SPATA22: variants seen among roughly 807,000 people sequenced by gnomAD.
SPATA22 encodes the protein spermatogenesis-associated protein 22.
Under a neutral mutation model 47.8 loss-of-function variants are expected in SPATA22, and 29 were observed. The observed-to-expected ratio is 0.61, with a 90% CI of 0.45 to 0.83. The LOEUF is 0.83. SPATA22 is among the 40% of genes least tolerant of loss of function. The pLI, the probability that SPATA22 is intolerant of heterozygous loss-of-function variation, is 0.00. For synonymous variants in SPATA22, 133 were observed against 140.9 expected (o/e 0.94, Z 0.40); for missense variants, 410 against 421.7 (o/e 0.97, Z 0.24).
chr17:3,475,311 A>G (rs559269964), upstream of SPATA22: 1 of 152,382 alleles, frequency 6.6e-6, no homozygotes, highest in East Asian at 1.9e-4. Context: ...GGCTGTGTCT[A>G]TGTAAGTTCA....
chr17:3,464,341 T>C (rs1681182946), intron 3 of SPATA22, among the ~76,000 whole-genome samples: 1 of 151,238 alleles, frequency 6.6e-6, no homozygotes, highest in Non-Finnish European at 1.5e-5. Flanking sequence ...AACCTCCACC[T>C]CCCAGCCGCC....
rs940000237 is a variant in SPATA22, at chr17:3,494,476, C to G, written c.-74+18936G>C. 3.2e-6 allele frequency: 5 copies of G among 1,564,314 alleles called. No homozygotes were observed. The highest frequency in any genetic ancestry group is 4.4e-6 in the Non-Finnish European group (5 of 1,134,782). On this transcript the variant is annotated intron_variant, in intron 1 of 8. Coordinates refer to the SPATA22 transcript ENST00000541913. ...AATCTGCAGGTAACATTTGTTCTTT[C>G]TTTAAAATGTTGAAAATAATAATGC...
At chr17:3,473,764 C>A (rs1292953616), upstream of SPATA22, among the ~76,000 whole-genome samples, 2 of 152,220 alleles carry the variant, frequency 1.3e-5, no homozygotes, top group South Asian at 4.1e-4. Flanking sequence ...TCCCAAAGTG[C>A]TGGGATTACA....
chr17:3,470,557 G>T (rs2073405649), intron 1 of SPATA22, among the ~76,000 whole-genome samples: 1 of 151,466 alleles, frequency 6.6e-6, no homozygotes, highest in African/African-American at 2.4e-5. Context: ...AGACCATCCT[G>T]GCTAACAGAG....
intron 1 of SPATA22, among the ~76,000 whole-genome samples, chr17:3,491,877 CTTTTTTTTTTT>C: frequency 8.1e-6 from 1 of 123,044 alleles, no homozygotes; most frequent in South Asian, 2.5e-4. Flanking sequence ...CTTTTGTTTT[CTTTTTTTTTTT>C]TTTTTTTGAG....
intron 1 of SPATA22, chr17:3,502,185 A>C (rs935807527): frequency 2.0e-5 from 3 of 152,382 alleles, no homozygotes; most frequent in Admixed American, 1.3e-4. Context: ...TGAATTGCTG[A>C]AAGCTCAAAT....
chr17:3,470,925 C>A (rs2073417896), intron 1 of SPATA22, among the ~76,000 whole-genome samples: 1 of 152,012 alleles, frequency 6.6e-6, no homozygotes, highest in Non-Finnish European at 1.5e-5. Context: ...GAGGCCAAGG[C>A]AAGTGGGTCA....
At chr17:3,483,687 G>A (rs1475180202) in intron 1 of SPATA22, 2 of 1,258,564 alleles carry the variant, frequency 1.6e-6, no homozygotes, top group Non-Finnish European at 2.3e-6. Context: ...TTTTGAGACA[G>A]AGTCTTGCTC....
chr17:3,463,533 G>A (rs943625118), intron 3 of SPATA22, among the ~76,000 whole-genome samples: 2 of 152,150 alleles, frequency 1.3e-5, no homozygotes, highest in African/African-American at 4.8e-5. Flanking sequence ...TACCATAAAT[G>A]GAGCTTGCAG....
intron 2 of SPATA22, among the ~76,000 whole-genome samples, 158 bp downstream of exon 2, chr17:3,469,125 T>G (rs1450894142): frequency 6.6e-6 from 1 of 152,220 alleles, no homozygotes; most frequent in African/African-American, 2.4e-5. Flanking sequence ...CTAAATGTTT[T>G]GTCTTGAGTA....
At position 3,469,344 on chromosome 17, in the gene SPATA22, C is replaced by G. The variant is rs1452404584; in HGVS notation, c.-19G>C. 6.5e-7 allele frequency: 1 copy of G among 1,542,910 alleles called. No homozygotes were observed. The highest frequency in any genetic ancestry group is 1.9e-5 in the Admixed American group (1 of 52,932). On this transcript the variant is annotated 5_prime_UTR_variant, in exon 2 of 9. The change abolishes the stop of an existing upstream ORF in the 5' untranslated region. Coordinates refer to ENST00000572969, the MANE Select transcript of SPATA22 (RefSeq NM_001170698.2). ...GCTTCATTTCCTTCAATATCAAAAT[C>G]TATAATTTTCTATTCAGCATTCCAA...
Position 3,488,664 on chromosome 17 carries a change from T to A in SPATA22, c.-73-19266A>T, listed in dbSNP as rs2073769603. On this transcript the variant is annotated intron_variant, in intron 1 of 8. Coordinates refer to the SPATA22 transcript ENST00000541913. This position sits in a 1 kb window ranked among gnomAD's most constrained non-coding sequence, Gnocchi z 6.1. ...AGAGTGAGACTCTGTCTCGAAAAAA[T>A]AAATAAATAAATAAAACCATTGCAC... Among the ~76,000 whole-genome samples the A allele has an allele frequency of 1.3e-5, 2 of 151,790 alleles. No individual in the cohort carries two copies. Among genetic ancestry groups the A allele is most frequent in the African/African-American group, 4.8e-5 (2 of 41,296 alleles).
At chr17:3,497,788 G>A (rs969430293) in intron 1 of SPATA22, among the ~76,000 whole-genome samples, 2 of 152,158 alleles carry the variant, frequency 1.3e-5, no homozygotes, top group African/African-American at 4.8e-5. Context: ...TTTCTAACAG[G>A]CTCCTGGGTG....
In SPATA22 at chr17:3,490,041, A is replaced by G. The variant is rs1450217602; in HGVS notation, c.-73-20643T>C. 6.6e-6 allele frequency among the ~76,000 whole-genome samples: 1 copy of G among 152,202 alleles called. No individual in the cohort carries two copies. Among genetic ancestry groups the G allele is most frequent in the Non-Finnish European group, 1.5e-5 (1 of 68,028 alleles). On this transcript the variant is annotated intron_variant, in intron 1 of 8. Transcript: ENST00000541913. This position sits in a 1 kb window ranked among gnomAD's most constrained non-coding sequence, Gnocchi z 4.6. ...AGCAGAAAGCAAGTTGCAGACCAAG[A>G]CATTCAGTACACCAATTGGCTTTAA...
Position 3,464,895 on chromosome 17 carries a change from G to C in SPATA22, c.173-2128C>G, listed in dbSNP as rs1449654710. On this transcript the variant is annotated intron_variant, in intron 3 of 8. Coordinates refer to ENST00000572969, the MANE Select transcript of SPATA22 (RefSeq NM_001170698.2). ...CCCCGTCTGGGAGGGGGGTGGGGGG[G>C]GGTCAGCCCCCCACCCGGCCAGCCG... Among the ~76,000 whole-genome samples the C allele has an allele frequency of 1.9e-5, 2 of 107,040 alleles. 1 individual carries two copies. Among genetic ancestry groups the C allele is most frequent in the Non-Finnish European group, 4.9e-5 (2 of 40,724 alleles). 70.2% of individuals were successfully genotyped at this position (107,040 alleles called of 152,430 possible). A position where few individuals can be genotyped will look rare whatever the true frequency, so the allele number is the denominator to read the frequency against.
chr17:3,443,852 C>G (rs1160429125), intron 7 of SPATA22, among the ~76,000 whole-genome samples: 1 of 136,150 alleles, frequency 7.3e-6, no homozygotes, highest in Non-Finnish European at 1.8e-5. Flanking sequence ...GTTAACATAC[C>G]CAACACCTTC....
At chr17:3,481,919 C>A in intron 1 of SPATA22, 1 of 944,496 alleles carries the variant, frequency 1.1e-6, no homozygotes, top group Non-Finnish European at 1.6e-6. Context: ...GGGTTTATTC[C>A]ATAGCCAGGC....
intron 1 of SPATA22, chr17:3,489,163 C>T: frequency 1.1e-6 from 1 of 907,822 alleles, no homozygotes; most frequent in Admixed American, 1.9e-5. Flanking sequence ...AATCTTGATA[C>T]ATTAAAATGC....
intron 1 of SPATA22, among the ~76,000 whole-genome samples, chr17:3,505,765 TTTTTG>T (rs202123223): frequency 0.39 from 24,670 of 62,864 alleles, 2,421 homozygotes; most frequent in Non-Finnish European, 0.45. Context: ...TGTTTTTTTT[TTTTTG>T]TTTTTGAGAC....
Sources: gnomAD v4.1 joint callset for allele counts (sites outside exome capture counted in the v4.1 genomes callset) on GRCh38, gnomAD v4.1.1 for gene constraint, Gnocchi (gnomAD v3.1) non-coding constraint, MANE v1.5 for transcripts, NCBI Gene and HGNC (gene_info 2026-07-23, HGNC 2026-07-21) for gene names.